ARFGEF2: variants seen among roughly 807,000 people sequenced by gnomAD.
The protein encoded by ARFGEF2 is ARF guanine nucleotide exchange factor 2.
In ARFGEF2, 74 loss-of-function variants were observed where a neutral mutation model predicts 219.9. The observed-to-expected ratio is 0.34, with a 90% CI of 0.28 to 0.41. The LOEUF (loss-of-function observed/expected upper bound fraction) is 0.41, where lower values mean the gene tolerates loss of function less well. Ranked by LOEUF, ARFGEF2 falls within the 10% of genes least tolerant of loss-of-function variation. ARFGEF2 has a pLI of 1.00. For missense variants in ARFGEF2, 1,743 were observed against 2,218.3 expected (o/e 0.79, Z 4.30); for synonymous variants, 733 against 799.2 (o/e 0.92, Z 1.40).
At chr20:49,021,872 G>A (rs1176643058) in intron 34 of ARFGEF2, among the ~76,000 whole-genome samples, 2 of 144,666 alleles carry the variant, frequency 1.4e-5, no homozygotes, top group Non-Finnish European at 3.0e-5. Flanking sequence ...AATTGTTGGC[G>A]AGGCACAGTG....
At position 49,010,270 on chromosome 20, in the gene ARFGEF2, C is replaced by A. The variant is rs773301479; in HGVS notation, c.3623C>A (p.Ala1208Asp). The change falls in exon 27 of 39, where the codon GCC (alanine) becomes GAC (aspartate). Residue 1208 changes from alanine (A) to aspartate (D), a missense_variant. Coordinates refer to ENST00000371917, the MANE Select transcript of ARFGEF2 (RefSeq NM_006420.3). ...CGGGACATGGCGATCCGCTGCATTGCCCAGATGGTGAACTCCCAGGCGGCC... is the reference window on the plus strand; with the variant it reads ...CGGGACATGGCGATCCGCTGCATTGACCAGATGGTGAACTCCCAGGCGGCC... Reference protein sequence around the residue: ...TIRDMAIRCIAQMVNSQAANI... With the variant: ...TIRDMAIRCIDQMVNSQAANI... 41 of 1,614,106 alleles carry A rather than the reference C, an allele frequency of 2.5e-5. No homozygotes were observed. The highest frequency in any genetic ancestry group is 3.4e-5 in the Non-Finnish European group (40 of 1,180,048).
intron 25 of ARFGEF2, among the ~76,000 whole-genome samples, chr20:49,001,263 C>T (rs2091423427): frequency 2.0e-5 from 3 of 152,016 alleles, no homozygotes; most frequent in Admixed American, 6.6e-5. Context: ...TGGTCTGGAA[C>T]TCCTGACCTC....
Position 48,974,847 on chromosome 20 carries a change from G to T in ARFGEF2, c.1747G>T (p.Val583Leu). 8 of 1,613,906 alleles carry T rather than the reference G, an allele frequency of 5.0e-6. No individual in the cohort carries two copies. Among genetic ancestry groups the T allele is most frequent in the Non-Finnish European group, 6.8e-6 (8 of 1,179,932 alleles). Residue 583 changes from valine to leucine, a missense_variant, in exon 13 of 39, where the codon GTG (valine) becomes TTG (leucine). By Grantham distance (32) the Val-to-Leu change is conservative. Around this residue, in one of 5 missense-constraint regions of ARFGEF2, gnomAD observed 666 missense variants for 955.4 expected, o/e 0.70. Transcript: ENST00000371917. ...CMVEWSKDLY[V>L]NPNHQTSLGQ... ...GGTGGAGTGGAGCAAAGACCTGTAT[G>T]TGAATCCCAACCACCAGACCAGCCT...
In ARFGEF2 at chr20:48,933,804, T is replaced by C. The variant is rs2090929331; in HGVS notation, c.122-7395T>C. Among the ~76,000 whole-genome samples, 3 of 151,982 alleles carry C rather than the reference T, an allele frequency of 2.0e-5. No individual in the cohort carries two copies. The South Asian group carries it at 6.2e-4, about 32-fold the overall frequency. The stretch of plus-strand genomic sequence containing the variant: ...TGGGGCTGTTTTTTATCACTCCCAT[T>C]TTTTAGAATAGGAAATCAAGATTCA... On this transcript the variant is annotated intron_variant, in intron 1 of 38. Transcript: ENST00000371917.
At chr20:49,016,004 A>G (rs1053855894) in intron 30 of ARFGEF2, among the ~76,000 whole-genome samples, 1 of 152,056 alleles carries the variant, frequency 6.6e-6, no homozygotes, top group Non-Finnish European at 1.5e-5. Flanking sequence ...TTTCCTTTTC[A>G]TTTTGGAAAA....
chr20:48,989,619 G>C lies in ARFGEF2; in HGVS notation c.2749G>C (p.Val917Leu), dbSNP rs2091345806. ...ACTCCAGAACTGTGATGACACTGAA[G>C]TGGCCTCCTTGTGTTTGGAAGGCAT... Reference protein sequence around the residue: ...IGLQNCDDTEVASLCLEGIRC... With the variant: ...IGLQNCDDTELASLCLEGIRC... Residue 917 changes from valine to leucine, a missense_variant, in exon 20 of 39, where the codon GTG becomes CTG. By Grantham distance (32) the Val-to-Leu change is conservative. Transcript: ENST00000371917. 2 of 1,614,134 alleles carry C rather than the reference G, an allele frequency of 1.2e-6. No homozygotes were observed. The highest frequency in any genetic ancestry group is 1.7e-6 in the Non-Finnish European group (2 of 1,180,050).
chr20:48,943,637 A>C (rs6019546), intron 3 of ARFGEF2, among the ~76,000 whole-genome samples: 70,979 of 151,956 alleles, frequency 0.47, 18,172 homozygotes, highest in African/African-American at 0.67. Context: ...GTGCCTTGAT[A>C]ATAGCTCACT....
Position 48,995,779 on chromosome 20 carries a change from T to G in ARFGEF2, c.3122-4T>G. On this transcript the variant is annotated splice_polypyrimidine_tract_variant and splice_region_variant and intron_variant, in intron 22 of 38. Coordinates refer to ENST00000371917, the MANE Select transcript of ARFGEF2 (RefSeq NM_006420.3). ...TACTGCTGATTTTGTGCATTGTGTT[T>G]CAGGTAATTTGGTGAGTGGCGGAGT... 6.2e-7 allele frequency: 1 copy of G among 1,613,936 alleles called. No individual in the cohort carries two copies. The highest frequency in any genetic ancestry group is 8.5e-7 in the Non-Finnish European group (1 of 1,179,782).
At chr20:48,946,820 G>T (rs944531366) in intron 3 of ARFGEF2, among the ~76,000 whole-genome samples, 5 of 151,460 alleles carry the variant, frequency 3.3e-5, no homozygotes, top group Non-Finnish European at 7.4e-5. Flanking sequence ...GTTTTTTTTA[G>T]AGACAGGGTC....
intron 37 of ARFGEF2, among the ~76,000 whole-genome samples, chr20:49,028,944 C>A (rs945845956): frequency 1.6e-4 from 25 of 152,322 alleles, no homozygotes; most frequent in African/African-American, 6.0e-4. Flanking sequence ...GTGCTCCGAG[C>A]GGTCAGCAGG....
chr20:48,976,290 G>T, intron 14 of ARFGEF2, 91 bp downstream of exon 14: 1 of 1,490,186 alleles, frequency 6.7e-7, no homozygotes, highest in Non-Finnish European at 9.2e-7. Flanking sequence ...GGAAATGCCT[G>T]TTTACAAAAG....
chr20:48,936,362 T>C (rs2090957407), intron 1 of ARFGEF2, among the ~76,000 whole-genome samples: 1 of 147,800 alleles, frequency 6.8e-6, no homozygotes, highest in Admixed American at 6.7e-5. Context: ...CCCCCCCACC[T>C]CCCTCCCGGA....
intron 1 of ARFGEF2, 62 bp from the exon 2 acceptor site, chr20:48,941,137 A>G: frequency 1.3e-6 from 2 of 1,489,960 alleles, no homozygotes; most frequent in South Asian, 2.4e-5. Flanking sequence ...ATCTTTTAGT[A>G]AAGTTTTCCT....
chr20:48,922,037 C>G (rs778638773), intron 1 of ARFGEF2, 27 bp downstream of exon 1: 2 of 1,567,110 alleles, frequency 1.3e-6, no homozygotes, highest in South Asian at 1.2e-5. Flanking sequence ...CGCCCTGCCC[C>G]GCGCTGGCCT....
At chr20:48,942,551 C>T (rs1470858320) in intron 3 of ARFGEF2, among the ~76,000 whole-genome samples, 2 of 144,606 alleles carry the variant, frequency 1.4e-5, no homozygotes, top group African/African-American at 5.2e-5. Flanking sequence ...ATGGCGCGAC[C>T]TCAGCTCACT....
Position 48,941,872 on chromosome 20 carries a change from C to G in ARFGEF2, c.161C>G (p.Thr54Ser). 6.2e-7 allele frequency: 1 copy of G among 1,614,250 alleles called. No homozygotes were observed. The highest frequency in any genetic ancestry group is 8.5e-7 in the Non-Finnish European group (1 of 1,180,040). The change falls in exon 3 of 39, where the codon ACT (threonine) becomes AGT (serine). Residue 54 changes from threonine to serine, a missense_variant. Thr to Ser is a moderately conservative substitution (Grantham distance 58, BLOSUM62 1). Transcript: ENST00000371917. ...TCTTGCTTTTCTCCTAGGCTTGGCA[C>G]TGCTGCACCACCAAAGGCAAACTTC... ...KAEIEKQRLG[T>S]AAPPKANFIE...
chr20:48,938,918 C>T (rs1308172396), intron 1 of ARFGEF2, among the ~76,000 whole-genome samples: 1 of 151,520 alleles, frequency 6.6e-6, no homozygotes, highest in East Asian at 1.9e-4. Context: ...GTCTGGCCTC[C>T]ATGGGCCTTT....
chr20:48,921,863 G>A lies in ARFGEF2; in HGVS notation c.-27G>A, dbSNP rs550163684. The A allele has an allele frequency of 6.3e-4, 957 of 1,508,868 alleles. 5 individuals are homozygous for A. The South Asian group carries it at 6.5e-3, about 10-fold the overall frequency. The allele number at this position is 1,508,868 out of a possible 1,614,324, so 93.5% of individuals were successfully genotyped here. ...CTCGCTCACGCCGCCCGCCCGCGGG[G>A]CCGTCAGCCCCCGCCGGGCCGGGGC... On this transcript the variant is annotated 5_prime_UTR_variant, in exon 1 of 39. Transcript: ENST00000371917.
In ARFGEF2 at chr20:48,975,899, A is replaced by G. The variant is rs2123428423; in HGVS notation, c.1775-117A>G. ...AAGGTTTCATGCTTATAATCCTTAT[A>G]GTATTGACTTGTTGCTATTACAGGT... is the stretch of plus-strand genomic sequence containing the variant. On this transcript the variant is annotated intron_variant, in intron 13 of 38. Coordinates refer to ENST00000371917, the MANE Select transcript of ARFGEF2 (RefSeq NM_006420.3). 6.9e-6 allele frequency: 6 copies of G among 866,548 alleles called. 1 individual carries two copies. Among genetic ancestry groups the G allele is most frequent in the South Asian group, 5.7e-5 (4 of 70,216 alleles). The allele number at this position is 866,548 out of a possible 1,614,324, so 53.7% of individuals were successfully genotyped here. A position where few individuals can be genotyped will look rare whatever the true frequency, so the allele number is the denominator to read the frequency against.
Sources: allele counts gnomAD v4.1 joint callset (sites outside exome capture counted in the v4.1 genomes callset), GRCh38; gene constraint gnomAD v4.1.1; regional missense constraint gnomAD v4.1.1; transcripts MANE v1.5; gene names NCBI Gene and HGNC (gene_info 2026-07-23, HGNC 2026-07-21).